Variants in TRAK2 observed in about 807,000 individuals in gnomAD.
TRAK2 encodes trafficking kinesin-binding protein 2.
TRAK2 carries 81 observed loss-of-function variants against 104.6 expected under a neutral mutation model. That is an observed-to-expected ratio of 0.77 (90% CI 0.65 to 0.93). TRAK2 has a LOEUF of 0.93. TRAK2 is among the 40% of genes least tolerant of loss of function. The pLI, the probability that TRAK2 is intolerant of heterozygous loss-of-function variation, is 0.00. For missense variants in TRAK2, 1,002 were observed against 1,089.0 expected, an observed-to-expected ratio of 0.92 and a Z score of 1.12; for synonymous variants, 406 against 394.4, an observed-to-expected ratio of 1.03 and a Z score of -0.35.
At position 201,411,098 on chromosome 2, in the gene TRAK2, C is replaced by T. The variant is rs964192607; in HGVS notation, c.92-3501G>A. 7.2e-5 allele frequency: 78 copies of T among 1,081,214 alleles called. 1 individual carries two copies. The highest frequency in any genetic ancestry group is 9.2e-5 in the Non-Finnish European group (65 of 704,982). 67.0% of individuals were successfully genotyped at this position (1,081,214 alleles called of 1,614,324 possible). A position where few individuals can be genotyped will look rare whatever the true frequency, so the allele number is the denominator to read the frequency against. ...TGCCCATGGAAGGAACAGAAGTGAA[C>T]GTACTTGAAGCAGAAGGTTTAGGGG... On this transcript the variant is annotated intron_variant, in intron 2 of 15. Transcript: ENST00000332624.
At chr2:201,422,931 A>G (rs1158480321) in intron 1 of TRAK2, among the ~76,000 whole-genome samples, 2 of 152,106 alleles carry the variant, frequency 1.3e-5, no homozygotes, top group Non-Finnish European at 2.9e-5. Flanking sequence ...TTACTTTGTA[A>G]ATGATAAAAC....
chr2:201,450,347 G>A (rs953734893), intron 1 of TRAK2, among the ~76,000 whole-genome samples: 1 of 151,852 alleles, frequency 6.6e-6, no homozygotes, highest in Non-Finnish European at 1.5e-5. Flanking sequence ...TCCGGGAGGC[G>A]GAGGTTGCAG....
chr2:201,440,260 C>T (rs1022482474), intron 1 of TRAK2, among the ~76,000 whole-genome samples: 1 of 151,890 alleles, frequency 6.6e-6, no homozygotes, highest in Non-Finnish European at 1.5e-5. Flanking sequence ...TTGTTTCCTC[C>T]CTCACTGTGA....
At chr2:201,404,905 G>T (rs964894241) in intron 3 of TRAK2, among the ~76,000 whole-genome samples, 15 of 152,062 alleles carry the variant, frequency 9.9e-5, no homozygotes, top group African/African-American at 3.6e-4. Flanking sequence ...TTGCTGCTAC[G>T]ATATAGCAAA....
chr2:201,398,118 G>C (rs372457972), intron 6 of TRAK2, 27 bp downstream of exon 6: 81 of 1,606,916 alleles, frequency 5.0e-5, no homozygotes, highest in Non-Finnish European at 6.5e-5. Flanking sequence ...TTAAAGTAAA[G>C]GAAAATGGCA....
chr2:201,427,734 G>A (rs961429129), intron 1 of TRAK2, among the ~76,000 whole-genome samples: 7 of 152,100 alleles, frequency 4.6e-5, no homozygotes, highest in African/African-American at 1.7e-4. Context: ...CTAGATCCTC[G>A]AGGAATCACC....
chr2:201,432,478 C>T (rs1261010380), intron 1 of TRAK2, among the ~76,000 whole-genome samples: 1 of 152,130 alleles, frequency 6.6e-6, no homozygotes, highest in Non-Finnish European at 1.5e-5. Context: ...AGAAGCCAGC[C>T]TTTGTAATCC....
At chr2:201,433,791 T>G (rs779385986) in intron 1 of TRAK2, among the ~76,000 whole-genome samples, 1 of 152,198 alleles carries the variant, frequency 6.6e-6, no homozygotes, top group Non-Finnish European at 1.5e-5. Flanking sequence ...TTCACCATGC[T>G]TAAAGTTCTT....
At position 201,380,426 on chromosome 2, in the gene TRAK2, C is replaced by T; in HGVS notation, c.*117G>A. On this transcript the variant is annotated 3_prime_UTR_variant, in exon 16 of 16. Transcript: ENST00000332624. ...TTCCATTCCTCCATTCCCCCTTTCA[C>T]ATTCACAACCCTTGTGCAACATTCC... 2 of 1,086,682 alleles carry T rather than the reference C, an allele frequency of 1.8e-6. No individual in the cohort carries two copies. Among genetic ancestry groups the T allele is most frequent in the Admixed American group, 2.7e-5 (1 of 37,064 alleles). The allele number at this position is 1,086,682 out of a possible 1,614,324, so 67.3% of individuals were successfully genotyped here.
chr2:201,445,877 G>C (rs191165894), intron 1 of TRAK2, among the ~76,000 whole-genome samples: 7 of 152,316 alleles, frequency 4.6e-5, no homozygotes, highest in Admixed American at 3.9e-4. Flanking sequence ...GCAGGATGCA[G>C]GATAAATTTT....
rs527266437 is a variant in TRAK2 at position 201,396,456 on chromosome 2, AATAC to A, written c.770-1016_770-1013del. Among the ~76,000 whole-genome samples the A allele has an allele frequency of 2.5e-3, 386 of 152,256 alleles. 2 individuals are homozygous for A. Among genetic ancestry groups the A allele is most frequent in the African/African-American group, 8.5e-3 (355 of 41,550 alleles). On this transcript the variant is annotated intron_variant, in intron 7 of 15. Coordinates refer to ENST00000332624, the MANE Select transcript of TRAK2 (RefSeq NM_015049.3). Reference sequence around the variant, plus strand: ...CAGTAGTCCCCTCTTATCTGTCGGGAATACATTCCACGACCTGCAGTGGGTACCT... The same window carrying A: ...CAGTAGTCCCCTCTTATCTGTCGGGAATTCCACGACCTGCAGTGGGTACCT...
Position 201,377,487 on chromosome 2 carries a change from A to G in TRAK2, c.*3056T>C, listed in dbSNP as rs1425142105. The G allele has an allele frequency of 6.6e-6, 1 of 152,282 alleles. No homozygotes were observed. Among genetic ancestry groups the G allele is most frequent in the East Asian group, 1.9e-4 (1 of 5,204 alleles). 9.4% of individuals were successfully genotyped at this position (152,282 alleles called of 1,614,324 possible). A position where few individuals can be genotyped will look rare whatever the true frequency, so the allele number is the denominator to read the frequency against. On this transcript the variant is annotated 3_prime_UTR_variant, in exon 16 of 16. Transcript: ENST00000332624. ...ACTAAACACTAAGAGCCCTAGTTCTAGATGTCACAAGTTGATGTTAGTAAC... is the reference window on the plus strand; with the variant it reads ...ACTAAACACTAAGAGCCCTAGTTCTGGATGTCACAAGTTGATGTTAGTAAC...
chr2:201,399,294 TTTCAGGG>T (rs1458474496), intron 5 of TRAK2, 76 bp downstream of exon 5: 16 of 891,514 alleles, frequency 1.8e-5, no homozygotes, highest in Admixed American at 5.8e-5. Context: ...ATTGCCATCA[TTTCAGGG>T]ACACCTAGGA....
rs987883060 is a variant in TRAK2, at chr2:201,447,313, A to G, written c.-200+4037T>C. 6.6e-6 allele frequency among the ~76,000 whole-genome samples: 1 copy of G among 152,098 alleles called. No homozygotes were observed. The highest frequency in any genetic ancestry group is 1.5e-5 in the Non-Finnish European group (1 of 68,000). On this transcript the variant is annotated intron_variant, in intron 1 of 15. Coordinates refer to ENST00000332624, the MANE Select transcript of TRAK2 (RefSeq NM_015049.3). This position sits in a 1 kb window ranked among gnomAD's most constrained non-coding sequence, Gnocchi z 4.1. ...ACCAAAAAACCTCAATCACCTAACC[A>G]CAGCTTAAAGGCTTTTTGTATGTCA... is the stretch of plus-strand genomic sequence containing the variant.
intron 1 of TRAK2, among the ~76,000 whole-genome samples, chr2:201,445,110 C>T (rs952097058): frequency 2.6e-5 from 4 of 152,190 alleles, no homozygotes; most frequent in Admixed American, 2.6e-4. Flanking sequence ...GCTATACCAC[C>T]AGCAGACTTT....
rs1223197301 is a variant in TRAK2, at chr2:201,387,922, G to A, written c.1477C>T (p.Arg493Ter). Residue 493 changes from arginine to a stop codon, truncating the protein, a stop_gained, in exon 13 of 16, where the codon CGA (arginine) becomes TGA (stop). Coordinates refer to ENST00000332624, the MANE Select transcript of TRAK2 (RefSeq NM_015049.3). LOFTEE classifies it high-confidence loss of function. ...TGCTTCTCACTTAAATAGTTTTGTCGACGCAAGCTAAGGCGATGCAGTGCT... is the reference window on the plus strand; with the variant it reads ...TGCTTCTCACTTAAATAGTTTTGTCAACGCAAGCTAAGGCGATGCAGTGCT... The part of the protein sequence containing the change: ...ATALHRLSLR[R>*]QNYLSEKQFF... The A allele has an allele frequency of 3.1e-6, 5 of 1,613,940 alleles. No homozygotes were observed. The highest frequency in any genetic ancestry group is 2.2e-5 in the East Asian group (1 of 44,890).
chr2:201,386,242 T>C lies in TRAK2; in HGVS notation c.1939A>G (p.Thr647Ala). ...CCTGTAACTGGTCCACCTGCTGAAG[T>C]AATGGGTGGCAGGAAGATCCCTGTT... ...PVTGIFLPPI[T>A]SAGGPVTVAT... The change falls in exon 14 of 16, where the codon ACT becomes GCT. Residue 647 changes from threonine (T) to alanine (A), a missense_variant. Thr to Ala is a moderately conservative substitution (Grantham distance 58). Coordinates refer to ENST00000332624, the MANE Select transcript of TRAK2 (RefSeq NM_015049.3). 1.2e-6 allele frequency: 2 copies of C among 1,614,124 alleles called. No individual in the cohort carries two copies. The highest frequency in any genetic ancestry group is 8.5e-7 in the Non-Finnish European group (1 of 1,180,002).
chr2:201,394,646 G>A, intron 9 of TRAK2, 152 bp downstream of exon 9: 1 of 698,766 alleles, frequency 1.4e-6, no homozygotes, highest in Non-Finnish European at 2.3e-6. Flanking sequence ...CAGCCAAAAT[G>A]CTTTACTTCT....
At chr2:201,429,185 C>T (rs907852792) in intron 1 of TRAK2, among the ~76,000 whole-genome samples, 5 of 152,182 alleles carry the variant, frequency 3.3e-5, no homozygotes, top group Non-Finnish European at 7.3e-5. Flanking sequence ...ATTGCCCTAG[C>T]CAGAACTTCC....
Sources: gnomAD v4.1 joint callset for allele counts (sites outside exome capture counted in the v4.1 genomes callset) on GRCh38, gnomAD v4.1.1 for gene constraint, Gnocchi (gnomAD v3.1) non-coding constraint, MANE v1.5 for transcripts, NCBI Gene and HGNC (gene_info 2026-07-23, HGNC 2026-07-21) for gene names.